Variants in OR2L13 observed in about 807,000 individuals in gnomAD.
The protein encoded by OR2L13 is olfactory receptor family 2 subfamily L member 13, also known as olfactory receptor 2L13.
In OR2L13, 14 loss-of-function variants were observed where a neutral mutation model predicts 15.3. The ratio of observed to expected loss-of-function variants is 0.91; its 90% confidence interval spans 0.60 to 1.43. OR2L13 has a LOEUF of 1.43. Ranked by LOEUF, OR2L13 falls within the 40% of genes most tolerant of loss-of-function variation. The pLI is 0.00. For synonymous variants in OR2L13, 152 were observed against 142.9 expected (o/e 1.06, Z -0.45); for missense variants, 367 against 387.9 (o/e 0.95, Z 0.45).
At chr1:248,033,771 T>A in the OR2L13 span, among the ~76,000 whole-genome samples, 7 of 152,220 alleles carry the variant, frequency 4.6e-5, no homozygotes, top group East Asian at 1.3e-3. Flanking sequence ...TATACATGTC[T>A]GGCTTTATAC....
At chr1:248,056,990 G>A in the OR2L13 span, among the ~76,000 whole-genome samples, 1 of 152,164 alleles carries the variant, frequency 6.6e-6, no homozygotes, top group Non-Finnish European at 1.5e-5. Context: ...TGATTGTGCT[G>A]TGGTCTGAGA....
chr1:248,035,232 C>A, the OR2L13 span, among the ~76,000 whole-genome samples: 4 of 151,896 alleles, frequency 2.6e-5, no homozygotes, highest in Non-Finnish European at 5.9e-5. Context: ...GGGCGGATCA[C>A]GAGGTCAGGA....
At chr1:248,034,574 TC>T in the OR2L13 span, among the ~76,000 whole-genome samples, 1 of 152,228 alleles carries the variant, frequency 6.6e-6, no homozygotes, top group African/African-American at 2.4e-5. Context: ...ATTCTTGACA[TC>T]TTAACAGTGT....
At chr1:248,038,708 T>C in the OR2L13 span, 2 of 1,614,176 alleles carry the variant, frequency 1.2e-6, no homozygotes, top group Non-Finnish European at 8.5e-7. Flanking sequence ...TAACAGGATC[T>C]TGGATGATAA....
At chr1:248,035,974 C>G in the OR2L13 span, among the ~76,000 whole-genome samples, 357 of 151,752 alleles carry the variant, frequency 2.4e-3, 1 homozygote, top group African/African-American at 7.5e-3. Context: ...ATTATTACTA[C>G]TATTTCTCTC....
At chr1:248,096,863 T>C (rs957669811), upstream of OR2L13, among the ~76,000 whole-genome samples, 2 of 152,218 alleles carry the variant, frequency 1.3e-5, no homozygotes, top group Admixed American at 1.3e-4. Context: ...GAGGAATAAG[T>C]AGCCCCCTTT....
chr1:247,990,805 G>C, the OR2L13 span: 1 of 1,602,862 alleles, frequency 6.2e-7, no homozygotes, highest in Non-Finnish European at 8.5e-7. Flanking sequence ...TTTCTGTGAT[G>C]TTCCAGCTAT....
the OR2L13 span, among the ~76,000 whole-genome samples, chr1:248,070,100 G>A: frequency 6.6e-5 from 10 of 152,224 alleles, no homozygotes; most frequent in East Asian, 1.4e-3. Flanking sequence ...CCCAGGAATC[G>A]AACTCAGCTC....
chr1:247,994,721 A>C, the OR2L13 span, among the ~76,000 whole-genome samples: 3 of 152,172 alleles, frequency 2.0e-5, no homozygotes, highest in African/African-American at 7.2e-5. Context: ...TATATATTGA[A>C]ATTTTGCTAA....
the OR2L13 span, among the ~76,000 whole-genome samples, chr1:247,982,059 T>TGC: frequency 3.3e-5 from 5 of 152,238 alleles, no homozygotes; most frequent in African/African-American, 1.2e-4. Context: ...TCGTGATCCA[T>TGC]CCGCCTCGGC....
the OR2L13 span, among the ~76,000 whole-genome samples, chr1:248,021,452 A>T: frequency 2.0e-5 from 3 of 152,188 alleles, no homozygotes; most frequent in African/African-American, 7.2e-5. Context: ...CCTGTGATCA[A>T]CTGCAGTCTG....
At chr1:247,974,519 AT>A in the OR2L13 span, among the ~76,000 whole-genome samples, 1 of 152,080 alleles carries the variant, frequency 6.6e-6, no homozygotes, top group Non-Finnish European at 1.5e-5. Flanking sequence ...GTTCTATTTT[AT>A]TTTTATTTTT....
the OR2L13 span, chr1:247,990,607 C>G: frequency 6.4e-7 from 1 of 1,552,520 alleles, no homozygotes; most frequent in Non-Finnish European, 8.9e-7. Context: ...AGCGCTGCTC[C>G]TGACATCAAT....
chr1:248,026,373 C>T, the OR2L13 span, among the ~76,000 whole-genome samples: 2 of 152,210 alleles, frequency 1.3e-5, no homozygotes, highest in Non-Finnish European at 2.9e-5. Context: ...ATTCAAAGGT[C>T]CTGCATGTTG....
At chr1:248,067,940 G>A in the OR2L13 span, among the ~76,000 whole-genome samples, 1 of 152,242 alleles carries the variant, frequency 6.6e-6, no homozygotes, top group Admixed American at 6.5e-5. Context: ...GCGAGGCTGG[G>A]GGAGGGGCGC....
the OR2L13 span, among the ~76,000 whole-genome samples, chr1:247,964,353 A>C: frequency 6.6e-6 from 1 of 152,174 alleles, no homozygotes; most frequent in Admixed American, 6.5e-5. Context: ...TTCCTGTGCA[A>C]AGCTCTAATT....
chr1:248,046,798 A>G, the OR2L13 span: 2 of 152,190 alleles, frequency 1.3e-5, no homozygotes, highest in Admixed American at 1.3e-4. Context: ...TTTAAAAACC[A>G]TGTATTTGTT....
the OR2L13 span, among the ~76,000 whole-genome samples, chr1:248,001,976 A>G: frequency 2.6e-5 from 4 of 152,204 alleles, no homozygotes; most frequent in Non-Finnish European, 4.4e-5. Context: ...AATTTCAAAT[A>G]TTACATGTTC....
chr1:248,016,122 T>C, the OR2L13 span, among the ~76,000 whole-genome samples: 1 of 152,200 alleles, frequency 6.6e-6, no homozygotes, highest in Non-Finnish European at 1.5e-5. Flanking sequence ...ATTAGGCTAT[T>C]TTAATTAGCT....
Sources: gnomAD v4.1 joint callset for allele counts (sites outside exome capture counted in the v4.1 genomes callset) on GRCh38, gnomAD v4.1.1 for gene constraint, MANE v1.5 for transcripts, NCBI Gene and HGNC (gene_info 2026-07-23, HGNC 2026-07-21) for gene names.